GUCY1B1: variants seen among roughly 807,000 people sequenced by gnomAD.
The protein encoded by GUCY1B1 is guanylate cyclase 1 soluble subunit beta 1.
Under a neutral mutation model 71.0 loss-of-function variants are expected in GUCY1B1, and 43 were observed. The observed-to-expected ratio is 0.61, with a 90% CI of 0.47 to 0.78. The LOEUF is 0.78. Ranked by LOEUF, GUCY1B1 falls within the 30% of genes least tolerant of loss-of-function variation. GUCY1B1 has a pLI of 0.00. For missense variants in GUCY1B1, 535 were observed against 754.1 expected (o/e 0.71, Z 3.40); for synonymous variants, 266 against 259.7 (o/e 1.02, Z -0.23).
chr4:155,787,029 T>A (rs1738845113), intron 4 of GUCY1B1, among the ~76,000 whole-genome samples: 1 of 152,004 alleles, frequency 6.6e-6, no homozygotes, highest in South Asian at 2.1e-4. Flanking sequence ...AAAATAAAAC[T>A]CTCTCAGTGA....
At chr4:155,796,041 G>A (rs1739532268) in intron 7 of GUCY1B1, among the ~76,000 whole-genome samples, 1 of 152,184 alleles carries the variant, frequency 6.6e-6, no homozygotes, top group South Asian at 2.1e-4. Flanking sequence ...AGAATGGGGA[G>A]GCTTGGCTTA....
At chr4:155,780,032 T>A (rs969070395) in intron 4 of GUCY1B1, among the ~76,000 whole-genome samples, 10 of 152,168 alleles carry the variant, frequency 6.6e-5, no homozygotes, top group Non-Finnish European at 8.8e-5. Context: ...GATTCCCTGC[T>A]TCTCTTCATG....
intron 4 of GUCY1B1, among the ~76,000 whole-genome samples, chr4:155,779,842 G>A (rs1451303300): frequency 1.3e-5 from 2 of 152,040 alleles, no homozygotes; most frequent in Admixed American, 1.3e-4. Flanking sequence ...ATTCTTTATG[G>A]TGACTTCAAC....
intron 2 of GUCY1B1, among the ~76,000 whole-genome samples, chr4:155,768,964 A>C (rs1737526607): frequency 6.6e-6 from 1 of 152,098 alleles, no homozygotes; most frequent in South Asian, 2.1e-4. Flanking sequence ...AGTGCACCTT[A>C]ATTATTTGAT....
Position 155,806,323 on chromosome 4 carries a change from A to G in GUCY1B1, c.1837-63A>G, listed in dbSNP as rs560646044. ...CTCTCATAAAGAGAAAAATATATTT[A>G]ATTGATATTATAAACCTCACTATCA... On this transcript the variant is annotated intron_variant, in intron 13 of 13. Coordinates refer to ENST00000264424, the MANE Select transcript of GUCY1B1 (RefSeq NM_000857.5). The G allele has an allele frequency of 4.6e-4, 452 of 987,012 alleles. 2 individuals are homozygous for G. Among genetic ancestry groups the G allele is most frequent in the Non-Finnish European group, 2.7e-4 (172 of 625,876 alleles). 61.1% of individuals were successfully genotyped at this position (987,012 alleles called of 1,614,324 possible).
At chr4:155,796,570 A>G in intron 8 of GUCY1B1, 60 bp downstream of exon 8, 1 of 1,106,894 alleles carries the variant, frequency 9.0e-7, no homozygotes, top group East Asian at 2.5e-5. Flanking sequence ...TAACAAAGGA[A>G]TGCCACAATA....
At chr4:155,760,572 A>C (rs545430430) in intron 2 of GUCY1B1, among the ~76,000 whole-genome samples, 1 of 151,966 alleles carries the variant, frequency 6.6e-6, no homozygotes, top group Non-Finnish European at 1.5e-5. Flanking sequence ...GAGAGTTTAA[A>C]CCTGTTGGAA....
chr4:155,794,025 T>C lies in GUCY1B1; in HGVS notation c.665T>C (p.Ile222Thr). The C allele has an allele frequency of 1.2e-6, 2 of 1,613,474 alleles. No individual in the cohort carries two copies. The highest frequency in any genetic ancestry group is 1.7e-6 in the Non-Finnish European group (2 of 1,179,462). Residue 222 changes from isoleucine to threonine, a missense_variant, in exon 6 of 14, where the codon ATA (isoleucine) becomes ACA (threonine). Physicochemically the swap from Ile to Thr is moderately conservative, Grantham distance 89. Coordinates refer to ENST00000264424, the MANE Select transcript of GUCY1B1 (RefSeq NM_000857.5). The stretch of plus-strand genomic sequence containing the variant: ...TGCAAAGCTTTTCCTTTTCATATAA[T>C]ATTTGACCGGGACCTAGTGGTCACT... Reference protein sequence around the residue: ...TFCKAFPFHIIFDRDLVVTQC... With the variant: ...TFCKAFPFHITFDRDLVVTQC...
chr4:155,777,787 AATC>A (rs1251528282), intron 4 of GUCY1B1, 145 bp downstream of exon 4: 1 of 542,874 alleles, frequency 1.8e-6, no homozygotes, highest in Non-Finnish European at 3.3e-6. Flanking sequence ...ATTCACATAA[AATC>A]ATCGTTATTG....
At chr4:155,795,656 T>A (rs1739499595) in intron 7 of GUCY1B1, among the ~76,000 whole-genome samples, 199 bp downstream of exon 7, 1 of 152,164 alleles carries the variant, frequency 6.6e-6, no homozygotes, top group Admixed American at 6.5e-5. Flanking sequence ...TGATTAAAAT[T>A]AACAGAGGTA....
At position 155,797,499 on chromosome 4, in the gene GUCY1B1, G is replaced by A. The variant is rs190902539; in HGVS notation, c.977+989G>A. ...TCACACCTGTAATCCCAGCACTTTC[G>A]GAGGCCGAGGTGGGTGGATCACAAG... is the stretch of plus-strand genomic sequence containing the variant. On this transcript the variant is annotated intron_variant, in intron 8 of 13. Coordinates refer to ENST00000264424, the MANE Select transcript of GUCY1B1 (RefSeq NM_000857.5). 7.1e-4 allele frequency among the ~76,000 whole-genome samples: 108 copies of A among 151,956 alleles called. 3 individuals are homozygous for A. In the South Asian group the frequency reaches 0.018, roughly 25 times the overall value.
chr4:155,766,879 T>C (rs1017013773), intron 2 of GUCY1B1, among the ~76,000 whole-genome samples: 8 of 152,326 alleles, frequency 5.3e-5, no homozygotes, highest in Middle Eastern at 3.4e-3. Flanking sequence ...CATGTCATGC[T>C]ATTTCGAATG....
In GUCY1B1 at chr4:155,759,100, T is replaced by C. The variant is rs779097404; in HGVS notation, c.-41T>C. Reference sequence around the variant, plus strand: ...CTGCCTGGGTCCCTTCGGCCGTACCTCTGCGTGGGGGCTGCCTCCCCGGCT... The same window carrying C: ...CTGCCTGGGTCCCTTCGGCCGTACCCCTGCGTGGGGGCTGCCTCCCCGGCT... On this transcript the variant is annotated 5_prime_UTR_variant, in exon 1 of 14. Coordinates refer to ENST00000264424, the MANE Select transcript of GUCY1B1 (RefSeq NM_000857.5). 1.9e-6 allele frequency: 3 copies of C among 1,586,334 alleles called. No homozygotes were observed. The highest frequency in any genetic ancestry group is 2.6e-6 in the Non-Finnish European group (3 of 1,166,960).
intron 6 of GUCY1B1, among the ~76,000 whole-genome samples, chr4:155,794,625 A>C (rs532737095): frequency 1.3e-5 from 2 of 152,256 alleles, no homozygotes; most frequent in South Asian, 4.1e-4. Flanking sequence ...CTTTATGCTT[A>C]CTCTTTTTTT....
chr4:155,797,388 C>A lies in GUCY1B1; in HGVS notation c.977+878C>A, dbSNP rs141864120. 5.9e-3 allele frequency among the ~76,000 whole-genome samples: 898 copies of A among 152,164 alleles called. 9 individuals carry two copies. Among genetic ancestry groups the A allele is most frequent in the Middle Eastern group, 0.017 (5 of 292 alleles). On this transcript the variant is annotated intron_variant, in intron 8 of 13. Coordinates refer to ENST00000264424, the MANE Select transcript of GUCY1B1 (RefSeq NM_000857.5). ...ATGTAATACACTTTGTAACAACCTC[C>A]TGTTATATTATTACTATTGTATTAT...
At position 155,802,535 on chromosome 4, in the gene GUCY1B1, T is replaced by G. The variant is rs375854467; in HGVS notation, c.1369T>G (p.Phe457Val). Residue 457 changes from phenylalanine (F) to valine (V), a missense_variant, in exon 10 of 14, where the codon TTT (phenylalanine) becomes GTT (valine). Coordinates refer to ENST00000264424, the MANE Select transcript of GUCY1B1 (RefSeq NM_000857.5). This position sits in a 1 kb window ranked among gnomAD's most constrained non-coding sequence, Gnocchi z 4.3. ...CCTCCTCAACGACCTCTACACCAGA[T>G]TTGACACACTGACTGATTCCCGGAA... Reference protein sequence around the residue: ...VNLLNDLYTRFDTLTDSRKNP... With the variant: ...VNLLNDLYTRVDTLTDSRKNP... The G allele has an allele frequency of 3.7e-6, 6 of 1,612,280 alleles. No homozygotes were observed. Among genetic ancestry groups the G allele is most frequent in the Middle Eastern group, 3.3e-4 (2 of 6,050 alleles).
At chr4:155,782,592 G>A (rs1394725382) in intron 4 of GUCY1B1, among the ~76,000 whole-genome samples, 1 of 152,144 alleles carries the variant, frequency 6.6e-6, no homozygotes. Context: ...TACTGCAACA[G>A]TCTCTCCCAT....
intron 8 of GUCY1B1, among the ~76,000 whole-genome samples, chr4:155,799,500 GA>G (rs1739796554): frequency 8.5e-6 from 1 of 117,182 alleles, no homozygotes; most frequent in Non-Finnish European, 1.9e-5. Context: ...TTATTCTTGA[GA>G]GAGAGAATAA....
chr4:155,762,593 C>T (rs1347709906), intron 2 of GUCY1B1, among the ~76,000 whole-genome samples: 2 of 152,054 alleles, frequency 1.3e-5, no homozygotes, highest in African/African-American at 4.8e-5. Flanking sequence ...ACTCAGTATC[C>T]ACTTACACTC....
Sources: gnomAD v4.1 joint callset for allele counts (sites outside exome capture counted in the v4.1 genomes callset) on GRCh38, gnomAD v4.1.1 for gene constraint, Gnocchi (gnomAD v3.1) non-coding constraint, MANE v1.5 for transcripts, NCBI Gene and HGNC (gene_info 2026-07-23, HGNC 2026-07-21) for gene names.